RPS6KA3: variants seen among roughly 807,000 people sequenced by gnomAD.
RPS6KA3 encodes the protein ribosomal protein S6 kinase alpha-3.
In RPS6KA3, 4 loss-of-function variants were observed where a neutral mutation model predicts 67.2. The ratio of observed to expected loss-of-function variants is 0.06; its 90% CI spans 0.03 to 0.14. The LOEUF (loss-of-function observed/expected upper bound fraction) is 0.14. Among genes scored for constraint, RPS6KA3 ranks in the 10% least tolerant of loss-of-function variants. The pLI is 1.00. For missense variants in RPS6KA3, 204 were observed against 559.0 expected (o/e 0.36, Z 6.40); for synonymous variants, 182 against 183.7 (o/e 0.99, Z 0.07).
chrX:20,206,440 C>A (rs2068574147), intron 3 of RPS6KA3, among the ~76,000 whole-genome samples: 1 of 111,232 alleles, frequency 9.0e-6, no homozygotes, highest in Non-Finnish European at 1.9e-5. Context: ...AATTTAATAC[C>A]AGATATTATA....
At chrX:20,243,794 C>A (rs1250759225) in intron 1 of RPS6KA3, among the ~76,000 whole-genome samples, 1 of 111,183 alleles carries the variant, frequency 9.0e-6, no homozygotes, top group African/African-American at 3.3e-5. Context: ...ACGGCTGGCC[C>A]TAAAACCCCT....
chrX:20,240,228 C>G (rs2069515091), intron 1 of RPS6KA3, among the ~76,000 whole-genome samples: 1 of 104,950 alleles, frequency 9.5e-6, no homozygotes, highest in African/African-American at 3.5e-5. Flanking sequence ...AGAAAAGATC[C>G]AGAGCCCTAG....
chrX:20,159,398 C>G (rs764979885), intron 20 of RPS6KA3, among the ~76,000 whole-genome samples: 1 of 112,583 alleles, frequency 8.9e-6, no homozygotes, highest in Admixed American at 9.4e-5. Context: ...TGACAACATT[C>G]ACATATGCAA....
intron 2 of RPS6KA3, among the ~76,000 whole-genome samples, chrX:20,209,818 C>T (rs752980341): frequency 8.9e-6 from 1 of 112,014 alleles, no homozygotes; most frequent in Non-Finnish European, 1.9e-5. Flanking sequence ...GGTTATGCTA[C>T]GCAGAACTAA....
rs549653507 is a variant in RPS6KA3 at position 20,165,106 on chromosome X, A to G, written c.1603-46T>C. On this transcript the variant is annotated intron_variant, in intron 17 of 21. Transcript: ENST00000379565. ...AGAGTTATGTTAACAATATATTTCC[A>G]TTACTGAAAGTTCTTTATTCACAAA... 108 of 1,025,173 alleles carry G rather than the reference A, an allele frequency of 1.1e-4. No individual in the cohort carries two copies. In the South Asian group the frequency reaches 1.7e-3, roughly 16 times the overall value. 84.5% of individuals were successfully genotyped at this position (1,025,173 alleles called of 1,213,427 possible). A position where few individuals can be genotyped will look rare whatever the true frequency, so the allele number is the denominator to read the frequency against.
Position 20,156,986 on chromosome X carries a change from T to C in RPS6KA3, c.1960-737A>G, listed in dbSNP as rs147912053. The stretch of plus-strand genomic sequence containing the variant: ...AGACTATAGTATTTTTTTTCCTACT[T>C]CAAAAGCAACCCATGGGCATTAGAG... On this transcript the variant is annotated intron_variant, in intron 20 of 21. Coordinates refer to ENST00000379565, the MANE Select transcript of RPS6KA3 (RefSeq NM_004586.3). Among the ~76,000 whole-genome samples, 231 of 111,487 alleles carry C rather than the reference T, an allele frequency of 2.1e-3. 1 individual carries two copies. Among genetic ancestry groups the C allele is most frequent in the Middle Eastern group, 0.019 (4 of 211 alleles).
At chrX:20,211,750 T>TA (rs2068722581) in intron 2 of RPS6KA3, among the ~76,000 whole-genome samples, 1 of 110,799 alleles carries the variant, frequency 9.0e-6, no homozygotes, top group Non-Finnish European at 1.9e-5. Context: ...AGCCTCGTAT[T>TA]AAAAAACAAA....
chrX:20,252,492 A>G (rs773976197), intron 1 of RPS6KA3, among the ~76,000 whole-genome samples: 3 of 109,991 alleles, frequency 2.7e-5, no homozygotes, highest in African/African-American at 1.0e-4. Context: ...GGCCGCACCA[A>G]CATCACCCAG....
At chrX:20,233,509 C>T (rs2069326413) in intron 2 of RPS6KA3, among the ~76,000 whole-genome samples, 1 of 110,893 alleles carries the variant, frequency 9.0e-6, no homozygotes, top group African/African-American at 3.3e-5. Context: ...GAGGATGAGG[C>T]AGGAGGATTG....
At chrX:20,197,599 T>C (rs2068305990) in intron 4 of RPS6KA3, among the ~76,000 whole-genome samples, 1 of 112,004 alleles carries the variant, frequency 8.9e-6, no homozygotes, top group Admixed American at 9.5e-5. Flanking sequence ...AACATTTCCT[T>C]ATATGTAACA....
At chrX:20,238,917 G>A (rs1396897266) in intron 1 of RPS6KA3, among the ~76,000 whole-genome samples, 1 of 111,258 alleles carries the variant, frequency 9.0e-6, no homozygotes, top group African/African-American at 3.3e-5. Context: ...GGAAAATGAC[G>A]GTTGGTTTTA....
Position 20,172,885 on chromosome X carries a change from T to C in RPS6KA3, c.1228-14A>G. On this transcript the variant is annotated splice_polypyrimidine_tract_variant and intron_variant, in intron 14 of 21. Transcript: ENST00000379565. ...CCTGTGTAACTGCTACAAAAAATTATAAATTGGTGAAGAGTCCCATAATGC... is the reference window on the plus strand; with the variant it reads ...CCTGTGTAACTGCTACAAAAAATTACAAATTGGTGAAGAGTCCCATAATGC... 8.3e-7 allele frequency: 1 copy of C among 1,201,083 alleles called. No individual in the cohort carries two copies. The highest frequency in any genetic ancestry group is 1.1e-6 in the Non-Finnish European group (1 of 886,026).
chrX:20,170,936 G>A (rs1456248791), intron 15 of RPS6KA3, among the ~76,000 whole-genome samples: 2 of 109,071 alleles, frequency 1.8e-5, no homozygotes, highest in Admixed American at 9.9e-5. Context: ...AGCCACGCCT[G>A]GCTAATTTTT....
intron 1 of RPS6KA3, among the ~76,000 whole-genome samples, chrX:20,249,277 G>A (rs1456161593): frequency 8.9e-6 from 1 of 112,171 alleles, no homozygotes; most frequent in Non-Finnish European, 1.9e-5. Flanking sequence ...AGGAACATCT[G>A]TGCACAGACT....
At chrX:20,251,288 T>C (rs1009318489) in intron 1 of RPS6KA3, among the ~76,000 whole-genome samples, 9 of 112,243 alleles carry the variant, frequency 8.0e-5, no homozygotes, top group African/African-American at 2.9e-4. Flanking sequence ...CGTGCCACCA[T>C]GCCTGGCTAT....
intron 10 of RPS6KA3, among the ~76,000 whole-genome samples, chrX:20,178,501 T>A (rs1420738361): frequency 3.0e-5 from 3 of 99,374 alleles, no homozygotes; most frequent in African/African-American, 1.2e-4. Context: ...TTTTTTTTTT[T>A]AAGACAGAGT....
chrX:20,262,348 A>G (rs2070254990), intron 1 of RPS6KA3, among the ~76,000 whole-genome samples: 1 of 112,226 alleles, frequency 8.9e-6, no homozygotes, highest in Non-Finnish European at 1.9e-5. Context: ...TCTATAATTT[A>G]GCAAATGTCA....
At chrX:20,233,250 A>G (rs73447143) in intron 2 of RPS6KA3, among the ~76,000 whole-genome samples, 2,595 of 112,281 alleles carry the variant, frequency 0.023, 77 homozygotes, top group African/African-American at 0.079. Flanking sequence ...TCAAACAAGT[A>G]TTCTCATATA....
At chrX:20,204,139 T>C (rs771028757) in intron 3 of RPS6KA3, 36 bp from the exon 4 acceptor site, 2 of 885,160 alleles carry the variant, frequency 2.3e-6, no homozygotes, top group South Asian at 4.0e-5. Context: ...TATTACAAAG[T>C]AGTATAAACT....
Sources: allele counts gnomAD v4.1 joint callset (sites outside exome capture counted in the v4.1 genomes callset), GRCh38; gene constraint gnomAD v4.1.1; transcripts MANE v1.5; gene names NCBI Gene and HGNC (gene_info 2026-07-23, HGNC 2026-07-21).